The following TRPM3 variants were observed in gnomAD, a reference collection of about 807,000 sequenced individuals.
TRPM3 encodes transient receptor potential cation channel subfamily M member 3, also known as long transient receptor potential channel 3.
Under a neutral mutation model 181.2 loss-of-function variants are expected in TRPM3, and 77 were observed. The observed-to-expected ratio is 0.42, with a 90% confidence interval of 0.35 to 0.51. The LOEUF is 0.51. Ranked by LOEUF, TRPM3 falls within the 20% of genes least tolerant of loss-of-function variation. The pLI, the probability that TRPM3 is intolerant of heterozygous loss-of-function variation, is 0.01. For missense variants in TRPM3, 1,759 were observed against 2,196.7 expected (o/e 0.80, Z 3.98); for synonymous variants, 745 against 796.4 (o/e 0.94, Z 1.09).
chr9:70,917,548 C>G, intron 1 of TRPM3: 2 of 675,344 alleles, frequency 3.0e-6, no homozygotes, highest in South Asian at 1.7e-5. Context: ...TTCTTCTTTA[C>G]GCAAACAGTG....
In TRPM3 at chr9:70,690,960, T is replaced by C. The variant is rs143920904; in HGVS notation, c.1273-9382A>G. ...AACTGTCTTTGGTTGATAAAATTCT[T>C]AATGTTAACATTTTGCCAAAGAGAC... is the stretch of plus-strand genomic sequence containing the variant. On this transcript the variant is annotated intron_variant, in intron 8 of 25. Transcript: ENST00000677713. Among the ~76,000 whole-genome samples the C allele has an allele frequency of 9.7e-3, 1,474 of 152,330 alleles. 22 individuals are homozygous for C. Among genetic ancestry groups the C allele is most frequent in the African/African-American group, 0.034 (1,407 of 41,592 alleles).
chr9:71,405,336 A>T (rs1006548199), intron 1 of TRPM3, among the ~76,000 whole-genome samples: 2 of 152,220 alleles, frequency 1.3e-5, no homozygotes, highest in Admixed American at 6.5e-5. Context: ...TTAGGAATTT[A>T]AAAAATGGTA....
In TRPM3 at chr9:71,019,839, C is replaced by T. The variant is rs529136863; in HGVS notation, c.177+101339G>A. 2.6e-5 allele frequency among the ~76,000 whole-genome samples: 4 copies of T among 152,150 alleles called. No homozygotes were observed. The South Asian group carries it at 6.2e-4, about 24-fold the overall frequency. On this transcript the variant is annotated intron_variant, in intron 1 of 25. Coordinates refer to ENST00000677713, the MANE Select transcript of TRPM3 (RefSeq NM_001366145.2). ...CATATAAAGCTAGAGTGTGTCAGTG[C>T]AAATAGAACAAGGCAACAGAATAGA...
intron 5 of TRPM3, among the ~76,000 whole-genome samples, chr9:70,838,084 C>T (rs1168346399): frequency 1.3e-5 from 2 of 152,090 alleles, no homozygotes; most frequent in Non-Finnish European, 2.9e-5. Context: ...TGAAGACAGG[C>T]AGAACAAGTG....
Position 70,998,407 on chromosome 9 carries a change from T to G in TRPM3, c.177+122771A>C, listed in dbSNP as rs115563560. 6.1e-3 allele frequency among the ~76,000 whole-genome samples: 928 copies of G among 152,120 alleles called. 9 individuals are homozygous for G. The highest frequency in any genetic ancestry group is 0.021 in the African/African-American group (860 of 41,488). On this transcript the variant is annotated intron_variant, in intron 1 of 25. Coordinates refer to ENST00000677713, the MANE Select transcript of TRPM3 (RefSeq NM_001366145.2). ...AAAATGGAGAGGAAGGTACAGAGAT[T>G]TCCCATGTATGTCCTGCCCCCACAC...
Position 70,535,363 on chromosome 9 carries a change from G to C in TRPM3, c.*590C>G, listed in dbSNP as rs1215909670. On this transcript the variant is annotated 3_prime_UTR_variant, in exon 26 of 26. Coordinates refer to ENST00000677713, the MANE Select transcript of TRPM3 (RefSeq NM_001366145.2). ...TGTTACCTTGTTTTTTCTTTATAAT[G>C]ATCAATTACAGAAGTGTTGGCATGA... The C allele has an allele frequency of 6.6e-7, 1 of 1,514,228 alleles. No individual in the cohort carries two copies. The allele number at this position is 1,514,228 out of a possible 1,614,324, so 93.8% of individuals were successfully genotyped here. A position where few individuals can be genotyped will look rare whatever the true frequency, so the allele number is the denominator to read the frequency against.
intron 1 of TRPM3, among the ~76,000 whole-genome samples, chr9:70,867,631 C>A (rs144556113): frequency 5.9e-5 from 9 of 152,090 alleles, no homozygotes; most frequent in African/African-American, 2.2e-4. Flanking sequence ...AAGAAGTCTT[C>A]CCATCATTCA....
At chr9:70,973,513 T>G in intron 1 of TRPM3, among the ~76,000 whole-genome samples, 1 of 152,178 alleles carries the variant, frequency 6.6e-6, no homozygotes, top group East Asian at 1.9e-4. Context: ...TCTAGGTATC[T>G]AAATCATTCT....
At chr9:70,781,740 AT>A (rs1588251536) in intron 7 of TRPM3, among the ~76,000 whole-genome samples, 2 of 152,228 alleles carry the variant, frequency 1.3e-5, no homozygotes, top group East Asian at 3.9e-4. Context: ...TTAAATAATA[AT>A]TTAATTTAAA....
Position 71,412,306 on chromosome 9 carries a change from C to T in TRPM3, c.183+34347G>A, listed in dbSNP as rs376364233. 1.6e-4 allele frequency among the ~76,000 whole-genome samples: 24 copies of T among 152,272 alleles called. No homozygotes were observed. In the East Asian group the frequency reaches 4.4e-3, roughly 28 times the overall value. Reference sequence around the variant, plus strand: ...CAAAAGAAACTACCATCAGAATGAACAGGCAACCTACAGAATGGGAAAAAT... The same window carrying T: ...CAAAAGAAACTACCATCAGAATGAATAGGCAACCTACAGAATGGGAAAAAT... On this transcript the variant is annotated intron_variant, in intron 1 of 24. Transcript: ENST00000357533.
At chr9:71,426,846 T>C (rs773984698) in intron 1 of TRPM3, among the ~76,000 whole-genome samples, 1 of 152,136 alleles carries the variant, frequency 6.6e-6, no homozygotes, top group Non-Finnish European at 1.5e-5. Flanking sequence ...TCAGACCTAA[T>C]CCCAGAGGTA....
At chr9:71,160,464 A>G (rs1415959998) in intron 1 of TRPM3, among the ~76,000 whole-genome samples, 1 of 152,154 alleles carries the variant, frequency 6.6e-6, no homozygotes, top group Non-Finnish European at 1.5e-5. Context: ...TATGCCATAT[A>G]GAGTATTTCC....
intron 6 of TRPM3, among the ~76,000 whole-genome samples, chr9:70,805,233 G>T (rs151217868): frequency 6.7e-6 from 1 of 149,126 alleles, no homozygotes; most frequent in Non-Finnish European, 1.5e-5. Flanking sequence ...GGTGGGGGAG[G>T]TGGTGGTGGG....
At chr9:70,898,185 C>T (rs1356389530) in intron 1 of TRPM3, among the ~76,000 whole-genome samples, 4 of 151,106 alleles carry the variant, frequency 2.6e-5, no homozygotes, top group African/African-American at 9.7e-5. Context: ...TGCAGTGGCG[C>T]GATCTCGGCT....
At chr9:71,431,776 G>T (rs888256339) in intron 1 of TRPM3, among the ~76,000 whole-genome samples, 16 of 152,132 alleles carry the variant, frequency 1.1e-4, no homozygotes, top group African/African-American at 3.4e-4. Context: ...GATGATGAAA[G>T]ATTACATAAG....
intron 1 of TRPM3, among the ~76,000 whole-genome samples, chr9:71,335,574 T>G (rs1424950323): frequency 6.6e-6 from 1 of 152,104 alleles, no homozygotes; most frequent in Non-Finnish European, 1.5e-5. Flanking sequence ...AAATTAAATT[T>G]CCTATTTTTT....
chr9:70,635,697 A>T (rs2057074643), intron 11 of TRPM3, among the ~76,000 whole-genome samples: 1 of 151,832 alleles, frequency 6.6e-6, no homozygotes, highest in Non-Finnish European at 1.5e-5. Flanking sequence ...CCTGGCCTCA[A>T]GCAATCCTCC....
chr9:70,849,424 C>T (rs1411672950), intron 3 of TRPM3, among the ~76,000 whole-genome samples: 3 of 152,026 alleles, frequency 2.0e-5, no homozygotes, highest in Admixed American at 6.5e-5. Flanking sequence ...GGAGTACAGG[C>T]GTGAGCCACC....
intron 1 of TRPM3, among the ~76,000 whole-genome samples, chr9:71,350,207 G>A (rs1442742462): frequency 6.6e-6 from 1 of 152,026 alleles, no homozygotes; most frequent in Non-Finnish European, 1.5e-5. Context: ...TCTATGAAAA[G>A]AAGTCACAAT....
Sources: allele counts gnomAD v4.1 joint callset (sites outside exome capture counted in the v4.1 genomes callset), GRCh38; gene constraint gnomAD v4.1.1; transcripts MANE v1.5; gene names NCBI Gene and HGNC (gene_info 2026-07-23, HGNC 2026-07-21).